Variants in PTPRJ observed in about 807,000 individuals in gnomAD.
PTPRJ encodes the protein receptor-type tyrosine-protein phosphatase eta.
Under a neutral mutation model 141.3 loss-of-function variants are expected in PTPRJ, and 129 were observed. The observed-to-expected ratio is 0.91, with a 90% CI of 0.79 to 1.06. PTPRJ has a LOEUF of 1.06. PTPRJ is among the 50% of genes least tolerant of loss of function. The probability of loss-of-function intolerance (pLI) is 0.00; values close to 1 mark genes in which losing one functional copy is unlikely to be tolerated. For missense variants in PTPRJ, 1,601 were observed against 1,679.7 expected (o/e 0.95, Z 0.82); for synonymous variants, 610 against 640.5 (o/e 0.95, Z 0.72).
chr11:48,159,161 G>GTGTGTGTGTGTTA (rs60389100), intron 21 of PTPRJ, among the ~76,000 whole-genome samples: 1 of 130,634 alleles, frequency 7.7e-6, no homozygotes, highest in African/African-American at 2.9e-5. Flanking sequence ...GTGTGTGTGT[G>GTGTGTGTGTGTTA]GTCATTTGCC....
At chr11:48,015,398 G>A (rs539465975) in intron 1 of PTPRJ, among the ~76,000 whole-genome samples, 1 of 151,846 alleles carries the variant, frequency 6.6e-6, no homozygotes, top group Non-Finnish European at 1.5e-5. Context: ...GGACCATATG[G>A]CATGCATTTC....
intron 24 of PTPRJ, among the ~76,000 whole-genome samples, 161 bp from the exon 25 acceptor site, chr11:48,167,043 A>G (rs1857932128): frequency 6.6e-6 from 1 of 152,062 alleles, no homozygotes; most frequent in Non-Finnish European, 1.5e-5. Context: ...ATTTCACTGC[A>G]ATGTTGTTAC....
At chr11:48,146,785 C>A (rs950351413) in intron 14 of PTPRJ, 91 bp from the exon 15 acceptor site, 12 of 909,718 alleles carry the variant, frequency 1.3e-5, no homozygotes, top group Non-Finnish European at 2.2e-5. Flanking sequence ...CACTTTAACT[C>A]TCTGGTGTTA....
chr11:48,106,960 G>C (rs1856306005), intron 1 of PTPRJ, among the ~76,000 whole-genome samples: 1 of 151,546 alleles, frequency 6.6e-6, no homozygotes, highest in Admixed American at 6.6e-5. Flanking sequence ...GTAGAGTTGG[G>C]GTTTCACCAT....
At chr11:48,016,955 G>A (rs1243476008) in intron 1 of PTPRJ, among the ~76,000 whole-genome samples, 1 of 151,714 alleles carries the variant, frequency 6.6e-6, no homozygotes, top group Non-Finnish European at 1.5e-5. Flanking sequence ...GTAGAGACAG[G>A]GTCTCATGTT....
intron 1 of PTPRJ, among the ~76,000 whole-genome samples, chr11:48,066,182 G>A (rs577734522): frequency 2.0e-5 from 3 of 152,194 alleles, no homozygotes; most frequent in South Asian, 2.1e-4. Context: ...AAAGTAATGC[G>A]TATTGCAGCA....
At chr11:48,035,519 T>TTCTTTTTTCTTTCTTC (rs1854098216) in intron 1 of PTPRJ, among the ~76,000 whole-genome samples, 1 of 150,410 alleles carries the variant, frequency 6.6e-6, no homozygotes, top group Admixed American at 6.7e-5. Flanking sequence ...TTTCTTTCTT[T>TTCTTTTTTCTTTCTTC]TCTTTTTTCT....
chr11:48,040,634 G>A (rs554342485), intron 1 of PTPRJ, among the ~76,000 whole-genome samples: 7 of 136,404 alleles, frequency 5.1e-5, no homozygotes, highest in African/African-American at 2.0e-4. Context: ...TTTTTGAGAC[G>A]GAGTCTTTCC....
At chr11:48,003,452 C>T (rs973348818) in intron 1 of PTPRJ, among the ~76,000 whole-genome samples, 3 of 152,050 alleles carry the variant, frequency 2.0e-5, no homozygotes, top group Admixed American at 2.0e-4. Context: ...TATGTCCGTC[C>T]CAGCACTGGG....
Position 48,139,215 on chromosome 11 carries a change from T to C in PTPRJ, c.2153-271T>C, listed in dbSNP as rs1053171537. Among the ~76,000 whole-genome samples, 33 of 152,214 alleles carry C rather than the reference T, an allele frequency of 2.2e-4. 1 individual carries two copies. Among genetic ancestry groups the C allele is most frequent in the Admixed American group, 2.0e-3 (30 of 15,290 alleles). ...CACAGGATGATACAGCTGACTCTCATGGAGCCCTGGTCTCTTCCAGGCGTC... is the reference window on the plus strand; with the variant it reads ...CACAGGATGATACAGCTGACTCTCACGGAGCCCTGGTCTCTTCCAGGCGTC... On this transcript the variant is annotated intron_variant, in intron 10 of 24. Transcript: ENST00000418331.
At chr11:48,032,399 T>C (rs868279192) in intron 1 of PTPRJ, among the ~76,000 whole-genome samples, 21 of 152,214 alleles carry the variant, frequency 1.4e-4, no homozygotes, top group African/African-American at 5.1e-4. Flanking sequence ...AACTTTCAAG[T>C]TAGGCCTCAG....
chr11:48,065,436 A>T (rs868252540), intron 1 of PTPRJ, among the ~76,000 whole-genome samples: 11 of 151,756 alleles, frequency 7.2e-5, no homozygotes, highest in African/African-American at 2.7e-4. Context: ...TCATTCCCCC[A>T]CCTGGGGTAC....
intron 1 of PTPRJ, among the ~76,000 whole-genome samples, chr11:47,990,758 T>A (rs1466345534): frequency 1.3e-5 from 2 of 149,578 alleles, no homozygotes; most frequent in Non-Finnish European, 3.0e-5. Flanking sequence ...CAATCTTGGC[T>A]CACTGCAAGC....
chr11:48,029,391 C>A (rs1853920279), intron 1 of PTPRJ, among the ~76,000 whole-genome samples: 1 of 152,192 alleles, frequency 6.6e-6, no homozygotes, highest in African/African-American at 2.4e-5. Context: ...TACAGAAAGG[C>A]AGAAGGAAAA....
rs1041271255 is a variant in PTPRJ at position 48,130,618 on chromosome 11, T to C, written c.1517T>C (p.Ile506Thr). 5 of 1,614,050 alleles carry C rather than the reference T, an allele frequency of 3.1e-6. No individual in the cohort carries two copies. The highest frequency in any genetic ancestry group is 1.3e-5 in the African/African-American group (1 of 75,006). ...ATAACCACCAACCAAAGTATTATCA[T>C]TGGTGGCTTGTTCCCTGGAACCAAG... Reference protein sequence around the residue: ...VEITTNQSIIIGGLFPGTKYC... With the variant: ...VEITTNQSIITGGLFPGTKYC... The change falls in exon 8 of 25, where the codon ATT becomes ACT. Residue 506 changes from isoleucine (I) to threonine (T), a missense_variant. Coordinates refer to ENST00000418331, the MANE Select transcript of PTPRJ (RefSeq NM_002843.4).
chr11:48,035,535 CTTCT>C (rs1854099555), intron 1 of PTPRJ, among the ~76,000 whole-genome samples: 1 of 49,278 alleles, frequency 2.0e-5, no homozygotes, highest in Non-Finnish European at 4.6e-5. Context: ...TTTCTTTCTT[CTTCT>C]TTTTTTTTTT....
In PTPRJ at chr11:47,989,353, A is replaced by G. The variant is rs1378775921; in HGVS notation, c.96+8345A>G. On this transcript the variant is annotated intron_variant, in intron 1 of 24. Coordinates refer to ENST00000418331, the MANE Select transcript of PTPRJ (RefSeq NM_002843.4). ...GTGATCTTGGCTCACTGCAACCTCC[A>G]CCTCCCAGGTTCAAGTGATTCTCCT... 1.4e-4 allele frequency among the ~76,000 whole-genome samples: 19 copies of G among 136,704 alleles called. No homozygotes were observed. In the Admixed American group the frequency reaches 1.4e-3, roughly 10 times the overall value. 89.7% of individuals were successfully genotyped at this position (136,704 alleles called of 152,430 possible).
intron 1 of PTPRJ, among the ~76,000 whole-genome samples, chr11:48,045,211 C>G (rs992669141): frequency 1.3e-5 from 2 of 152,206 alleles, no homozygotes; most frequent in African/African-American, 4.8e-5. Flanking sequence ...CTTAGAACCT[C>G]TTTATTTTAT....
At chr11:48,127,673 C>A (rs915732610) in intron 6 of PTPRJ, 107 bp from the exon 7 acceptor site, 6 of 1,175,200 alleles carry the variant, frequency 5.1e-6, no homozygotes, top group Non-Finnish European at 7.4e-6. Flanking sequence ...GAGGAAGGAA[C>A]ACTCCCCCAG....
Sources: gnomAD v4.1 joint callset for allele counts (sites outside exome capture counted in the v4.1 genomes callset) on GRCh38, gnomAD v4.1.1 for gene constraint, MANE v1.5 for transcripts, NCBI Gene and HGNC (gene_info 2026-07-23, HGNC 2026-07-21) for gene names.